The following NCKAP5 variants were observed in gnomAD, a reference collection of about 807,000 sequenced individuals.
NCKAP5 encodes NCK associated protein 5.
A neutral mutation model predicts 167.0 loss-of-function variants in NCKAP5; 92 were observed. The observed-to-expected ratio is 0.55, with a 90% CI of 0.47 to 0.66. The LOEUF is 0.66. NCKAP5 is among the 30% of genes least tolerant of loss of function. The pLI is 0.00. For synonymous variants in NCKAP5, 891 were observed against 877.4 expected (o/e 1.02, Z -0.27); for missense variants, 2,378 against 2,315.0 (o/e 1.03, Z -0.56).
intron 8 of NCKAP5, among the ~76,000 whole-genome samples, chr2:132,883,512 C>A (rs1239864392): frequency 6.6e-6 from 1 of 152,152 alleles, no homozygotes; most frequent in Non-Finnish European, 1.5e-5. Flanking sequence ...AACCACGTCT[C>A]CACACTGCAC....
At chr2:133,343,135 T>A (rs997559285) in intron 3 of NCKAP5, among the ~76,000 whole-genome samples, 1 of 152,196 alleles carries the variant, frequency 6.6e-6, no homozygotes, top group African/African-American at 2.4e-5. Context: ...AATGACTGCA[T>A]TTGTTACAGT....
intron 6 of NCKAP5, among the ~76,000 whole-genome samples, chr2:133,128,945 A>ATT (rs10584100): frequency 7.1e-4 from 92 of 130,088 alleles, no homozygotes; most frequent in Admixed American, 1.4e-3. Context: ...AAACTCACTG[A>ATT]TTTTTTTTTT....
the NCKAP5 span, among the ~76,000 whole-genome samples, chr2:133,671,305 AGTG>A: frequency 6.6e-6 from 1 of 151,400 alleles, no homozygotes; most frequent in Non-Finnish European, 1.5e-5. Context: ...TCCTGGAGGT[AGTG>A]GTGGTGGCAT....
chr2:132,820,795 G>C (rs1479459637), intron 11 of NCKAP5, among the ~76,000 whole-genome samples: 1 of 152,182 alleles, frequency 6.6e-6, no homozygotes, highest in Middle Eastern at 3.2e-3. Flanking sequence ...GATTTTGGTG[G>C]CATAAACATA....
chr2:133,454,762 G>A (rs1300967810), intron 3 of NCKAP5, among the ~76,000 whole-genome samples: 1 of 151,984 alleles, frequency 6.6e-6, no homozygotes, highest in Non-Finnish European at 1.5e-5. Context: ...CAGGGATTTT[G>A]TTTTTCTTTC....
intron 5 of NCKAP5, among the ~76,000 whole-genome samples, chr2:133,181,584 T>G: frequency 9.0e-6 from 1 of 111,190 alleles, no homozygotes; most frequent in African/African-American, 3.6e-5. Context: ...CTCAGCAACA[T>G]GGTAAATCCC....
At chr2:132,955,918 G>C (rs1159252696) in intron 8 of NCKAP5, among the ~76,000 whole-genome samples, 2 of 152,122 alleles carry the variant, frequency 1.3e-5, no homozygotes, top group African/African-American at 4.8e-5. Context: ...GTGATGGTGA[G>C]CTTTTTTTCA....
At chr2:132,924,453 C>G (rs567859671) in intron 8 of NCKAP5, among the ~76,000 whole-genome samples, 1 of 152,326 alleles carries the variant, frequency 6.6e-6, no homozygotes, top group Non-Finnish European at 1.5e-5. Flanking sequence ...AGATAGGTCA[C>G]TCCTTTTGTG....
At chr2:133,569,756 G>T (rs1688788278), upstream of NCKAP5, among the ~76,000 whole-genome samples, 2 of 152,178 alleles carry the variant, frequency 1.3e-5, no homozygotes, top group Middle Eastern at 3.4e-3. Flanking sequence ...AGTAGCAATT[G>T]GTTATTGATT....
At chr2:133,057,873 G>A (rs985755473) in intron 6 of NCKAP5, among the ~76,000 whole-genome samples, 6 of 152,236 alleles carry the variant, frequency 3.9e-5, no homozygotes, top group East Asian at 1.9e-4. Flanking sequence ...AGCTAGAGAG[G>A]TGAAGTCAAA....
intron 3 of NCKAP5, among the ~76,000 whole-genome samples, chr2:133,406,578 CAGGAAGGA>C (rs555099395): frequency 1.2e-5 from 1 of 83,722 alleles, no homozygotes; most frequent in African/African-American, 5.0e-5. Context: ...AAAAAACTTC[CAGGAAGGA>C]AGGAAGGGAG....
intron 3 of NCKAP5, among the ~76,000 whole-genome samples, chr2:133,428,237 A>G (rs1232121995): frequency 6.6e-6 from 1 of 152,174 alleles, no homozygotes; most frequent in South Asian, 2.1e-4. Context: ...AATTGCTACT[A>G]GTGCAGGGAA....
At chr2:132,927,048 A>T (rs1695956659) in intron 8 of NCKAP5, among the ~76,000 whole-genome samples, 1 of 152,144 alleles carries the variant, frequency 6.6e-6, no homozygotes, top group Non-Finnish European at 1.5e-5. Flanking sequence ...TAATTTTTAT[A>T]TGTGGTGAGA....
At chr2:133,182,476 A>T (rs2084780502) in intron 5 of NCKAP5, among the ~76,000 whole-genome samples, 1 of 152,184 alleles carries the variant, frequency 6.6e-6, no homozygotes, top group South Asian at 2.1e-4. Flanking sequence ...AAAATAAGAG[A>T]CCAGTAAAAT....
chr2:132,949,416 C>T (rs2076114112), intron 8 of NCKAP5, among the ~76,000 whole-genome samples: 1 of 152,122 alleles, frequency 6.6e-6, no homozygotes, highest in African/African-American at 2.4e-5. Flanking sequence ...GGCCCCTGTG[C>T]CCCAGAGCCT....
chr2:132,872,114 T>TGGGC (rs1231690851), intron 9 of NCKAP5, among the ~76,000 whole-genome samples: 118 of 152,342 alleles, frequency 7.7e-4, no homozygotes, highest in African/African-American at 2.6e-3. Context: ...GCAGCTGTGC[T>TGGGC]AGGCTGCAAG....
rs1023349930 is a variant in NCKAP5 at position 133,386,748 on chromosome 2, G to A, written c.70-83638C>T. ...GGGTGCTCCTGTATTGGGTGCATAT[G>A]TATTTAGGATAGTTAGCTCTTCTTG... is the stretch of plus-strand genomic sequence containing the variant. On this transcript the variant is annotated intron_variant, in intron 3 of 19. Coordinates refer to ENST00000409261, the MANE Select transcript of NCKAP5 (RefSeq NM_207363.3). Among the ~76,000 whole-genome samples, 5 of 152,252 alleles carry A rather than the reference G, an allele frequency of 3.3e-5. No homozygotes were observed. The East Asian group carries it at 7.7e-4, about 24-fold the overall frequency.
intron 3 of NCKAP5, among the ~76,000 whole-genome samples, chr2:133,371,379 C>A (rs944347356): frequency 2.0e-5 from 3 of 152,184 alleles, no homozygotes; most frequent in Non-Finnish European, 4.4e-5. Context: ...AGGCAAGAAG[C>A]ACAATCAGAC....
intron 4 of NCKAP5, among the ~76,000 whole-genome samples, chr2:133,257,745 C>T (rs112142849): frequency 0.017 from 2,654 of 152,222 alleles, 32 homozygotes; most frequent in Non-Finnish European, 0.025. Flanking sequence ...TCTTGGAGAC[C>T]AGAGAGACAA....
Sources: gnomAD v4.1 joint callset for allele counts (sites outside exome capture counted in the v4.1 genomes callset) on GRCh38, gnomAD v4.1.1 for gene constraint, MANE v1.5 for transcripts, NCBI Gene and HGNC (gene_info 2026-07-23, HGNC 2026-07-21) for gene names.